SLC43A1: variants seen among roughly 807,000 people sequenced by gnomAD.
SLC43A1 encodes large neutral amino acids transporter small subunit 3.
A neutral mutation model predicts 59.5 loss-of-function variants in SLC43A1; 31 were observed. That is an observed-to-expected ratio of 0.52 (90% confidence interval 0.39 to 0.70). The LOEUF is 0.70. Ranked by LOEUF, SLC43A1 falls within the 30% of genes least tolerant of loss-of-function variation. SLC43A1 has a pLI of 0.00. For synonymous variants in SLC43A1, 259 were observed against 290.9 expected (o/e 0.89, Z 1.12); for missense variants, 598 against 717.8 (o/e 0.83, Z 1.91).
rs776375950 is a variant in SLC43A1, at chr11:57,485,080, C to T, written c.*16G>A. 1 of 1,602,662 alleles carries T rather than the reference C, an allele frequency of 6.2e-7. No individual in the cohort carries two copies. Among genetic ancestry groups the T allele is most frequent in the Non-Finnish European group, 8.5e-7 (1 of 1,175,562 alleles). On this transcript the variant is annotated 3_prime_UTR_variant, in exon 15 of 15. Transcript: ENST00000278426. ...GCCTTGATTGCCTGTCATCCAGGTC[C>T]CTTGGTCTGAGAAGTCTATGCGGTC...
At position 57,484,543 on chromosome 11, in the gene SLC43A1, TC is replaced by T. The variant is rs1943673781; in HGVS notation, c.*552del. ...GGCGCACACCAGCCAGTCTCTCACT[TC>T]CCTTTTTATTTCCTCTAAGACTTGC... On this transcript the variant is annotated 3_prime_UTR_variant, in exon 15 of 15. Transcript: ENST00000278426. The T allele has an allele frequency of 6.6e-6, 1 of 152,106 alleles. No individual in the cohort carries two copies. The highest frequency in any genetic ancestry group is 1.5e-5 in the Non-Finnish European group (1 of 68,026). The allele number at this position is 152,106 out of a possible 1,614,324, so 9.4% of individuals were successfully genotyped here.
chr11:57,499,909 G>A (rs1440342317), intron 5 of SLC43A1, among the ~76,000 whole-genome samples: 1 of 152,186 alleles, frequency 6.6e-6, no homozygotes, highest in African/African-American at 2.4e-5. Flanking sequence ...GCAGAGGGGC[G>A]GGGAGAAAGG....
chr11:57,485,258 A>T lies in SLC43A1; in HGVS notation c.1534-16T>A. 6.2e-7 allele frequency: 1 copy of T among 1,604,154 alleles called. No homozygotes were observed. The highest frequency in any genetic ancestry group is 8.5e-7 in the Non-Finnish European group (1 of 1,175,108). On this transcript the variant is annotated splice_polypyrimidine_tract_variant and intron_variant, in intron 14 of 14. Transcript: ENST00000278426. ...CCAGATTCACCTTTAGGGCAAGGAGAGAGAAACAGAGTCAAGTAGGTAGTC... is the reference window on the plus strand; with the variant it reads ...CCAGATTCACCTTTAGGGCAAGGAGTGAGAAACAGAGTCAAGTAGGTAGTC...
At chr11:57,489,443 C>T (rs1943838117) in intron 11 of SLC43A1, 51 bp from the exon 12 acceptor site, 2 of 1,603,598 alleles carry the variant, frequency 1.2e-6, no homozygotes, top group Non-Finnish European at 1.7e-6. Context: ...CCCAGGACTC[C>T]CTGGTTCTTG....
intron 8 of SLC43A1, among the ~76,000 whole-genome samples, chr11:57,492,571 TATAAAA>T (rs1943957768): frequency 6.1e-5 from 1 of 16,302 alleles, no homozygotes; most frequent in Non-Finnish European, 1.1e-4. Flanking sequence ...TATATATATA[TATAAAA>T]AAATAAGCCA....
Position 57,513,979 on chromosome 11 carries a change from AG to A in SLC43A1, c.132del (p.Phe45SerfsTer90). On this transcript the variant is annotated frameshift_variant, in exon 2 of 15. Coordinates refer to ENST00000278426, the MANE Select transcript of SLC43A1 (RefSeq NM_003627.6). LOFTEE classifies it high-confidence loss of function. ...ATACCTGGGCACGTGCTGGAATAGAAGCCCTCGTTCTTCAGAATGATCAACA... is the reference window on the plus strand; with the variant it reads ...ATACCTGGGCACGTGCTGGAATAGAACCCTCGTTCTTCAGAATGATCAACA... The part of the protein sequence containing the change: ...GSLLIILKNE[G>X]FYSSTCPAES... 1.9e-6 allele frequency: 3 copies of A among 1,597,686 alleles called. No individual in the cohort carries two copies. In the South Asian group the frequency reaches 3.4e-5, roughly 18 times the overall value.
intron 7 of SLC43A1, among the ~76,000 whole-genome samples, chr11:57,495,100 G>A (rs1364981086): frequency 6.6e-6 from 1 of 151,580 alleles, no homozygotes; most frequent in South Asian, 2.1e-4. Flanking sequence ...CACCCTCTTC[G>A]GCCTCCCAAA....
chr11:57,489,385 C>A lies in SLC43A1; in HGVS notation c.1201G>T (p.Val401Phe). ...GTVLGDARDG[V>F]ATKSIRPRYC... is the part of the protein sequence containing the mutation. ...CGTGGTCTGATGGATTTGGTAGCAA[C>A]CCCGTCCCTGAGGAGTACGGGAAGT... Residue 401 changes from valine to phenylalanine, a missense_variant, in exon 12 of 15, where the codon GTT (valine) becomes TTT (phenylalanine). By Grantham distance (50) the Val-to-Phe change is conservative (BLOSUM62 -1). Transcript: ENST00000278426. 1.2e-6 allele frequency: 2 copies of A among 1,614,150 alleles called. No individual in the cohort carries two copies. The highest frequency in any genetic ancestry group is 1.7e-6 in the Non-Finnish European group (2 of 1,180,020).
At chr11:57,503,961 A>G (rs2135202683) in intron 2 of SLC43A1, among the ~76,000 whole-genome samples, 1 of 152,282 alleles carries the variant, frequency 6.6e-6, no homozygotes, top group East Asian at 1.9e-4. Context: ...TGGGAGGCCA[A>G]GGAGGGTAAA....
At chr11:57,487,302 TCC>T in intron 13 of SLC43A1, 84 bp from the exon 14 acceptor site, 1 of 1,520,994 alleles carries the variant, frequency 6.6e-7, no homozygotes, top group Non-Finnish European at 9.0e-7. Context: ...CCCACCATGG[TCC>T]CCGCTGGCCA....
intron 8 of SLC43A1, among the ~76,000 whole-genome samples, chr11:57,493,726 G>C (rs922314091): frequency 1.3e-5 from 2 of 152,148 alleles, no homozygotes; most frequent in Non-Finnish European, 2.9e-5. Flanking sequence ...CCAGCTACCC[G>C]ACAGGCCCAG....
chr11:57,491,109 C>T (rs768069929), intron 11 of SLC43A1, 115 bp downstream of exon 11: 168 of 1,306,028 alleles, frequency 1.3e-4, no homozygotes, highest in Non-Finnish European at 1.6e-4. Flanking sequence ...GGAGGTACCC[C>T]TGATCTCCTA....
Position 57,514,250 on chromosome 11 carries a change from G to T in SLC43A1, c.-13-126C>A. On this transcript the variant is annotated intron_variant, in intron 1 of 14. Transcript: ENST00000278426. The surrounding 1 kb of genome is among the most constrained non-coding windows in gnomAD (Gnocchi z 5.5). Reference sequence around the variant, plus strand: ...GAGCCCCTCATGGAGGCCCCATAGAGCCCTGGGCTTCCCAGCCGGTGCCAA... The same window carrying T: ...GAGCCCCTCATGGAGGCCCCATAGATCCCTGGGCTTCCCAGCCGGTGCCAA... 8.5e-7 allele frequency: 1 copy of T among 1,170,936 alleles called. No homozygotes were observed. Among genetic ancestry groups the T allele is most frequent in the Non-Finnish European group, 1.2e-6 (1 of 859,524 alleles). 72.5% of individuals were successfully genotyped at this position (1,170,936 alleles called of 1,614,324 possible).
rs1944072189 is a variant in SLC43A1 at position 57,496,003 on chromosome 11, A to T, written c.692+28T>A. 4 of 1,611,732 alleles carry T rather than the reference A, an allele frequency of 2.5e-6. No individual in the cohort carries two copies. In the African/African-American group the frequency reaches 5.3e-5, roughly 22 times the overall value. ...CACCACAGCCCTCTCTGCCCCAGGG[A>T]GAGTCTCTGCCCACTCCAGCCACTC... On this transcript the variant is annotated intron_variant, in intron 7 of 14. Transcript: ENST00000278426.
intron 2 of SLC43A1, among the ~76,000 whole-genome samples, chr11:57,513,486 A>C (rs1272514943): frequency 6.6e-6 from 1 of 152,210 alleles, no homozygotes; most frequent in Non-Finnish European, 1.5e-5. Context: ...ACTCTCCACA[A>C]TGCCCTCCTA....
chr11:57,510,783 G>A (rs1944519294), intron 2 of SLC43A1, among the ~76,000 whole-genome samples: 1 of 151,462 alleles, frequency 6.6e-6, no homozygotes, highest in Non-Finnish European at 1.5e-5. Flanking sequence ...ACCTGAGGCA[G>A]GATTTCAAGA....
intron 2 of SLC43A1, among the ~76,000 whole-genome samples, chr11:57,508,038 G>A (rs1003529912): frequency 1.3e-5 from 2 of 152,130 alleles, no homozygotes; most frequent in Non-Finnish European, 2.9e-5. Flanking sequence ...AGGCCAAGGC[G>A]GGTGGATCAC....
At chr11:57,499,702 A>T (rs1172693381) in intron 5 of SLC43A1, 1 of 152,396 alleles carries the variant, frequency 6.6e-6, no homozygotes, top group Non-Finnish European at 1.5e-5. Flanking sequence ...GGCCGGCCAG[A>T]GGGAGCGGGG....
chr11:57,493,810 C>T (rs559521851), intron 8 of SLC43A1, among the ~76,000 whole-genome samples, 183 bp downstream of exon 8: 2 of 152,342 alleles, frequency 1.3e-5, no homozygotes, highest in East Asian at 3.9e-4. Flanking sequence ...TGAATCTGAA[C>T]TTCCCAGCGT....
Sources: gnomAD v4.1 joint callset for allele counts (sites outside exome capture counted in the v4.1 genomes callset) on GRCh38, gnomAD v4.1.1 for gene constraint, Gnocchi (gnomAD v3.1) non-coding constraint, MANE v1.5 for transcripts, NCBI Gene and HGNC (gene_info 2026-07-23, HGNC 2026-07-21) for gene names.